The following NLGN1 variants were observed in gnomAD, a reference collection of about 807,000 sequenced individuals.
NLGN1 encodes the protein neuroligin-1.
NLGN1 carries 12 observed loss-of-function variants against 65.5 expected under a neutral mutation model. That is an observed-to-expected ratio of 0.18 (90% CI 0.12 to 0.30). The LOEUF (loss-of-function observed/expected upper bound fraction) is 0.30, where lower values mean the gene tolerates loss of function less well. NLGN1 is among the 10% of genes least tolerant of loss of function. The pLI, the probability that NLGN1 is intolerant of heterozygous loss-of-function variation, is 1.00. For missense variants in NLGN1, 750 were observed against 1,007.1 expected (o/e 0.74, Z 3.46); for synonymous variants, 350 against 359.5 (o/e 0.97, Z 0.30).
chr3:173,524,391 T>C lies in NLGN1; in HGVS notation c.-320-79888T>C, dbSNP rs189925559. Reference sequence around the variant, plus strand: ...GGACATTATTGTTGTGTAGAAATGCTACTGATTCTTGTACATAGATTTTGT... The same window carrying C: ...GGACATTATTGTTGTGTAGAAATGCCACTGATTCTTGTACATAGATTTTGT... On this transcript the variant is annotated intron_variant, in intron 2 of 6. Coordinates refer to ENST00000457714, the Ensembl canonical transcript of NLGN1. Among the ~76,000 whole-genome samples, 336 of 152,320 alleles carry C rather than the reference T, an allele frequency of 2.2e-3. 2 individuals are homozygous for C. The highest frequency in any genetic ancestry group is 7.3e-3 in the African/African-American group (305 of 41,568).
intron 4 of NLGN1, among the ~76,000 whole-genome samples, chr3:174,199,136 C>T (rs4894653): frequency 0.53 from 80,834 of 151,944 alleles, 22,214 homozygotes; most frequent in East Asian, 0.83. Flanking sequence ...CGTGAGCCAC[C>T]GCGCCCGTCC....
intron 4 of NLGN1, chr3:173,912,734 T>A (rs1440735192): frequency 6.6e-6 from 1 of 152,314 alleles, no homozygotes; most frequent in South Asian, 2.1e-4. Context: ...GGAGAAATTT[T>A]ATGATATAAT....
At chr3:173,960,627 A>T (rs1019125785) in intron 4 of NLGN1, among the ~76,000 whole-genome samples, 3 of 152,036 alleles carry the variant, frequency 2.0e-5, no homozygotes, top group African/African-American at 7.2e-5. Flanking sequence ...TAAAATTTTA[A>T]AACAGATATA....
chr3:173,793,678 T>G (rs765948577), intron 3 of NLGN1, among the ~76,000 whole-genome samples: 1 of 152,182 alleles, frequency 6.6e-6, no homozygotes, highest in South Asian at 2.1e-4. Context: ...TAATTTTACT[T>G]GCAAACACAA....
chr3:174,207,201 GAAAAA>G (rs11336101), intron 4 of NLGN1, among the ~76,000 whole-genome samples: 3 of 136,686 alleles, frequency 2.2e-5, no homozygotes, highest in African/African-American at 5.4e-5. Flanking sequence ...GCTCATTCAT[GAAAAA>G]AAAAAAAAAA....
At chr3:173,414,589 A>C (rs548092841) in intron 1 of NLGN1, among the ~76,000 whole-genome samples, 1 of 151,994 alleles carries the variant, frequency 6.6e-6, no homozygotes, top group Non-Finnish European at 1.5e-5. Flanking sequence ...ATGTGAAAAA[A>C]AAAAAAGCAC....
At chr3:173,722,100 A>G (rs1770934044) in intron 3 of NLGN1, among the ~76,000 whole-genome samples, 1 of 152,212 alleles carries the variant, frequency 6.6e-6, no homozygotes. Flanking sequence ...GTAAAATAAC[A>G]GAATTGATTG....
intron 3 of NLGN1, among the ~76,000 whole-genome samples, chr3:173,671,465 CAGA>C (rs1320810520): frequency 2.0e-5 from 3 of 151,846 alleles, no homozygotes; most frequent in Non-Finnish European, 2.9e-5. Context: ...CTGTCTCAAA[CAGA>C]AGAAGAAGAA....
chr3:173,648,562 CT>C (rs1406311513), intron 3 of NLGN1, among the ~76,000 whole-genome samples: 1 of 151,826 alleles, frequency 6.6e-6, no homozygotes, highest in Non-Finnish European at 1.5e-5. Context: ...GTAGATTCTT[CT>C]TTTTCTTTTT....
intron 3 of NLGN1, among the ~76,000 whole-genome samples, chr3:173,745,564 AG>A: frequency 6.6e-6 from 1 of 152,150 alleles, no homozygotes; most frequent in Middle Eastern, 3.4e-3. Flanking sequence ...TAATGAGAAT[AG>A]GGAGGAAGGT....
At chr3:173,758,114 CAG>C (rs1048237852) in intron 3 of NLGN1, among the ~76,000 whole-genome samples, 6 of 151,976 alleles carry the variant, frequency 3.9e-5, no homozygotes, top group African/African-American at 1.4e-4. Context: ...GAGGAAGAAA[CAG>C]AGAGAAAACT....
intron 3 of NLGN1, among the ~76,000 whole-genome samples, chr3:173,651,757 T>G (rs1171952305): frequency 6.6e-6 from 1 of 152,106 alleles, no homozygotes; most frequent in Non-Finnish European, 1.5e-5. Context: ...TTTGTATGTC[T>G]TCTTTTGAAA....
At chr3:173,468,754 T>G (rs1724807204) in intron 2 of NLGN1, among the ~76,000 whole-genome samples, 1 of 152,086 alleles carries the variant, frequency 6.6e-6, no homozygotes, top group Admixed American at 6.6e-5. Flanking sequence ...GTCCGTTTAA[T>G]GACTTTTAAA....
intron 3 of NLGN1, among the ~76,000 whole-genome samples, chr3:173,800,531 A>G (rs1454343568): frequency 6.6e-6 from 1 of 151,618 alleles, no homozygotes; most frequent in Admixed American, 6.6e-5. Context: ...TTTTTAAAAA[A>G]TTAATATTAA....
chr3:174,175,817 A>T (rs538666467), intron 4 of NLGN1, among the ~76,000 whole-genome samples: 1 of 152,090 alleles, frequency 6.6e-6, no homozygotes, highest in Admixed American at 6.6e-5. Context: ...TAAGAGCTAC[A>T]CCAATCCTGT....
chr3:173,596,074 C>T (rs1254977772), intron 2 of NLGN1, among the ~76,000 whole-genome samples: 1 of 152,200 alleles, frequency 6.6e-6, no homozygotes, highest in African/African-American at 2.4e-5. Context: ...CTACCATGTA[C>T]TCAGGTGTTA....
At chr3:174,000,976 A>G (rs1025393241) in intron 4 of NLGN1, among the ~76,000 whole-genome samples, 1 of 152,136 alleles carries the variant, frequency 6.6e-6, no homozygotes, top group African/African-American at 2.4e-5. Flanking sequence ...TGTATTGTCT[A>G]TGGTGTGGTA....
At chr3:173,882,713 CCTT>C (rs1733575104) in intron 4 of NLGN1, among the ~76,000 whole-genome samples, 2 of 152,178 alleles carry the variant, frequency 1.3e-5, no homozygotes. Flanking sequence ...ATTGTTGAAA[CCTT>C]CTCCATATCA....
chr3:174,228,272 G>GAAATTA (rs2152814086), intron 4 of NLGN1, among the ~76,000 whole-genome samples: 1 of 152,146 alleles, frequency 6.6e-6, no homozygotes, highest in South Asian at 2.1e-4. Context: ...GCTCATGAAA[G>GAAATTA]AAATTAAAAT....
Sources: allele counts gnomAD v4.1 joint callset (sites outside exome capture counted in the v4.1 genomes callset), GRCh38; gene constraint gnomAD v4.1.1; transcripts MANE v1.5; gene names NCBI Gene and HGNC (gene_info 2026-07-23, HGNC 2026-07-21).